The following NOL4 variants were observed in gnomAD, a reference collection of about 807,000 sequenced individuals.
NOL4 encodes cancer/testis antigen 125.
A neutral mutation model predicts 75.9 loss-of-function variants in NOL4; 17 were observed. The ratio of observed to expected loss-of-function variants is 0.22; its 90% confidence interval spans 0.15 to 0.34. The LOEUF is 0.34. Among genes scored for constraint, NOL4 ranks in the 10% least tolerant of loss-of-function variants. The pLI, the probability that NOL4 is intolerant of heterozygous loss-of-function variation, is 1.00. For synonymous variants in NOL4, 292 were observed against 289.9 expected (o/e 1.01, Z -0.07); for missense variants, 614 against 793.5 (o/e 0.77, Z 2.72).
At chr18:33,965,048 G>A (rs1238495466) in intron 6 of NOL4, among the ~76,000 whole-genome samples, 8 of 152,114 alleles carry the variant, frequency 5.3e-5, no homozygotes. Flanking sequence ...AAAATATATA[G>A]TAACATGGAA....
At position 33,851,734 on chromosome 18, in the gene NOL4, T is replaced by C. The variant is rs1394276860; in HGVS notation, c.*1108A>G. 2 of 152,484 alleles carry C rather than the reference T, an allele frequency of 1.3e-5. No individual in the cohort carries two copies. Among genetic ancestry groups the C allele is most frequent in the African/African-American group, 2.4e-5 (1 of 41,460 alleles). 9.4% of individuals were successfully genotyped at this position (152,484 alleles called of 1,614,324 possible). On this transcript the variant is annotated 3_prime_UTR_variant, in exon 11 of 11. Transcript: ENST00000261592. ...ATGGGGGATAGGAGGGCACAGTTCA[T>C]TGTAAGTTGCAGCTGCATCCGCTGA...
At chr18:34,118,644 T>C (rs932042492) in intron 2 of NOL4, among the ~76,000 whole-genome samples, 6 of 152,328 alleles carry the variant, frequency 3.9e-5, no homozygotes, top group Non-Finnish European at 7.4e-5. Context: ...CATTTAGGAC[T>C]TTACAAGGTA....
chr18:33,889,959 C>G (rs1384780130), intron 9 of NOL4, among the ~76,000 whole-genome samples: 1 of 152,112 alleles, frequency 6.6e-6, no homozygotes, highest in East Asian at 1.9e-4. Context: ...TGAAAGCATT[C>G]CCTTTGAAAA....
chr18:34,071,218 T>G (rs1300092324), intron 5 of NOL4, among the ~76,000 whole-genome samples: 1 of 152,174 alleles, frequency 6.6e-6, no homozygotes, highest in Non-Finnish European at 1.5e-5. Context: ...ACTAAATACG[T>G]ACAAAGATTG....
chr18:34,069,732 C>CG (rs1216993735), intron 5 of NOL4, among the ~76,000 whole-genome samples: 1 of 152,172 alleles, frequency 6.6e-6, no homozygotes, highest in African/African-American at 2.4e-5. Context: ...CACAGTAACC[C>CG]GCTCAGGAAG....
intron 2 of NOL4, among the ~76,000 whole-genome samples, chr18:34,109,131 A>G (rs2079461363): frequency 1.3e-5 from 2 of 152,172 alleles, no homozygotes; most frequent in Admixed American, 6.6e-5. Context: ...TCTTGAGTGC[A>G]ACAAACTGGG....
chr18:33,899,473 G>A (rs1336763464), intron 9 of NOL4, among the ~76,000 whole-genome samples: 1 of 152,094 alleles, frequency 6.6e-6, no homozygotes, highest in Admixed American at 6.6e-5. Flanking sequence ...ACAATTTGGG[G>A]AAGCCTGCAG....
chr18:34,085,410 A>T (rs1001389353), intron 5 of NOL4, among the ~76,000 whole-genome samples: 1 of 152,190 alleles, frequency 6.6e-6, no homozygotes, highest in Non-Finnish European at 1.5e-5. Context: ...ATCTCAAAAC[A>T]AAGAACTAAC....
intron 1 of NOL4, among the ~76,000 whole-genome samples, chr18:34,133,621 A>G (rs940520324): frequency 3.3e-5 from 5 of 152,206 alleles, no homozygotes; most frequent in Non-Finnish European, 5.9e-5. Context: ...ACTTGACAAT[A>G]ACAGAGAAAA....
At chr18:34,166,554 T>C (rs2032356947) in intron 1 of NOL4, among the ~76,000 whole-genome samples, 1 of 152,112 alleles carries the variant, frequency 6.6e-6, no homozygotes, top group East Asian at 1.9e-4. Context: ...TAAATGTCCA[T>C]AAATGCAATC....
chr18:33,897,890 C>A (rs907283687), intron 9 of NOL4, among the ~76,000 whole-genome samples: 1 of 151,722 alleles, frequency 6.6e-6, no homozygotes, highest in African/African-American at 2.4e-5. Context: ...TATAATTGGG[C>A]TCCATTTATT....
chr18:33,997,171 G>A (rs955847482), intron 6 of NOL4, among the ~76,000 whole-genome samples: 1 of 151,906 alleles, frequency 6.6e-6, no homozygotes, highest in Non-Finnish European at 1.5e-5. Flanking sequence ...CAAAGCGGAT[G>A]TCCAGAAGGG....
chr18:34,092,559 A>G (rs967285692), intron 5 of NOL4, among the ~76,000 whole-genome samples: 3 of 152,186 alleles, frequency 2.0e-5, no homozygotes, highest in Non-Finnish European at 4.4e-5. Context: ...TTTTGCAACC[A>G]GTTTGTAATA....
intron 1 of NOL4, among the ~76,000 whole-genome samples, chr18:34,184,704 G>A (rs984045188): frequency 6.6e-6 from 1 of 152,094 alleles, no homozygotes; most frequent in Non-Finnish European, 1.5e-5. Context: ...AACATTAGGG[G>A]ATAGCATTTG....
intron 1 of NOL4, among the ~76,000 whole-genome samples, chr18:34,220,199 A>G (rs557838609): frequency 5.9e-5 from 9 of 152,326 alleles, no homozygotes; most frequent in South Asian, 2.1e-4. Flanking sequence ...ACTCTGTTCT[A>G]GTATAACCTC....
At chr18:34,079,518 C>T (rs2077901616) in intron 5 of NOL4, among the ~76,000 whole-genome samples, 1 of 151,994 alleles carries the variant, frequency 6.6e-6, no homozygotes, top group Non-Finnish European at 1.5e-5. Context: ...ACAAATGAGG[C>T]TAGCAGTTTT....
At chr18:34,216,291 G>A (rs1286629831) in intron 1 of NOL4, among the ~76,000 whole-genome samples, 1 of 152,116 alleles carries the variant, frequency 6.6e-6, no homozygotes, top group Admixed American at 6.6e-5. Context: ...ATTTTACAGA[G>A]CACACACAAT....
At chr18:33,964,470 AGAAAAGAAAGAAAAGAAAGGAC>A (rs1274009635) in intron 6 of NOL4, among the ~76,000 whole-genome samples, 4 of 151,842 alleles carry the variant, frequency 2.6e-5, no homozygotes, top group East Asian at 1.9e-4. Flanking sequence ...AGGAAAACAA[AGAAAAGAAAGAAAAGAAAGGAC>A]AGAAAAGAAA....
At position 34,223,230 on chromosome 18, in the gene NOL4, G is replaced by A. The variant is rs1329209521; in HGVS notation, c.24C>T (p.Tyr8=). The part of the protein sequence containing the change: MESERDM[Y]RQFQDWCLRT... Reference sequence around the variant, plus strand: ...TGAGGCACCAGTCCTGGAACTGGCGGTACATGTCGCGCTCGCTCTCCATGT... The same window carrying A: ...TGAGGCACCAGTCCTGGAACTGGCGATACATGTCGCGCTCGCTCTCCATGT... The change falls in exon 1 of 11, where the codon TAC becomes TAT. Residue 8 remains tyrosine, a synonymous_variant. Coordinates refer to ENST00000261592, the MANE Select transcript of NOL4 (RefSeq NM_003787.5). The A allele has an allele frequency of 1.2e-6, 2 of 1,613,898 alleles. No individual in the cohort carries two copies. Among genetic ancestry groups the A allele is most frequent in the African/African-American group, 2.7e-5 (2 of 74,942 alleles).
Sources: allele counts gnomAD v4.1 joint callset (sites outside exome capture counted in the v4.1 genomes callset), GRCh38; gene constraint gnomAD v4.1.1; transcripts MANE v1.5; gene names NCBI Gene and HGNC (gene_info 2026-07-23, HGNC 2026-07-21).